FADS2: variants seen among roughly 807,000 people sequenced by gnomAD.
FADS2 encodes the protein acyl-CoA 6-desaturase.
A neutral mutation model predicts 61.2 loss-of-function variants in FADS2; 18 were observed. The observed-to-expected ratio is 0.29, with a 90% confidence interval of 0.20 to 0.44. The LOEUF is 0.44. Among genes scored for constraint, FADS2 ranks in the 20% least tolerant of loss-of-function variants. The probability of loss-of-function intolerance (pLI) is 1.00; values close to 1 mark genes in which losing one functional copy is unlikely to be tolerated. For synonymous variants in FADS2, 203 were observed against 223.9 expected, an observed-to-expected ratio of 0.91 and a Z score of 0.83; for missense variants, 322 against 572.7, an observed-to-expected ratio of 0.56 and a Z score of 4.47.
chr11:61,853,295 CCTTCCTTCCTTCCTT>C (rs1565334602), intron 5 of FADS2, among the ~76,000 whole-genome samples: 20 of 86,166 alleles, frequency 2.3e-4, no homozygotes, highest in African/African-American at 7.2e-4. Context: ...TCCCTCCCTT[CCTTCCTTCCTTCCTT>C]CCTTCCTTCC....
At chr11:61,846,363 C>T (rs896002807) in intron 4 of FADS2, among the ~76,000 whole-genome samples, 9 of 151,802 alleles carry the variant, frequency 5.9e-5, no homozygotes, top group Non-Finnish European at 8.8e-5. Flanking sequence ...GTGATCCACA[C>T]GCTTCAGCCT....
intron 4 of FADS2, chr11:61,846,810 C>T (rs1323369965): frequency 6.6e-6 from 1 of 152,106 alleles, no homozygotes; most frequent in African/African-American, 2.4e-5. Flanking sequence ...GTGTTAGAAA[C>T]AGGAAAGTTC....
chr11:61,850,524 C>T (rs910070039), intron 5 of FADS2, among the ~76,000 whole-genome samples: 6 of 152,136 alleles, frequency 3.9e-5, no homozygotes, highest in East Asian at 1.9e-4. Flanking sequence ...GCTGGGATTA[C>T]GGGTGTAAGC....
chr11:61,836,556 CA>C, intron 1 of FADS2, among the ~76,000 whole-genome samples: 1 of 151,740 alleles, frequency 6.6e-6, no homozygotes, highest in South Asian at 2.1e-4. Flanking sequence ...TTAGTAGAGA[CA>C]GGGGTCTTGC....
At chr11:61,846,361 C>T (rs2067259102) in intron 4 of FADS2, among the ~76,000 whole-genome samples, 1 of 151,922 alleles carries the variant, frequency 6.6e-6, no homozygotes, top group South Asian at 2.1e-4. Context: ...AAGTGATCCA[C>T]ACGCTTCAGC....
At position 61,865,399 on chromosome 11, in the gene FADS2, G is replaced by C; in HGVS notation, c.1283+122G>C. 7.8e-7 allele frequency: 1 copy of C among 1,288,116 alleles called. No homozygotes were observed. The highest frequency in any genetic ancestry group is 1.1e-6 in the Non-Finnish European group (1 of 939,054). 79.8% of individuals were successfully genotyped at this position (1,288,116 alleles called of 1,614,324 possible). On this transcript the variant is annotated intron_variant, in intron 11 of 11. Coordinates refer to ENST00000278840, the MANE Select transcript of FADS2 (RefSeq NM_004265.4). This position sits in a 1 kb window ranked among gnomAD's most constrained non-coding sequence, Gnocchi z 4.1. ...CCACCAGGGCACCTGCCTTACTCCC[G>C]AGCCTGTGTTAGGAGCTGTTGGGCT...
At chr11:61,845,030 CTTTT>C (rs71046747) in intron 4 of FADS2, among the ~76,000 whole-genome samples, 47 of 44,124 alleles carry the variant, frequency 1.1e-3, no homozygotes, top group African/African-American at 4.0e-3. Context: ...CAGAAGTGCA[CTTTT>C]TTTTTTTTTT....
Position 61,816,889 on chromosome 11 carries a change from C to CCGCAGGGCAGACCGGCGGGCCT in FADS2, c.141+469_141+490dup, listed in dbSNP as rs755222781. 10 of 1,459,742 alleles carry CCGCAGGGCAGACCGGCGGGCCT rather than the reference C, an allele frequency of 6.9e-6. No homozygotes were observed. In the South Asian group the frequency reaches 1.3e-4, roughly 20 times the overall value. The allele number at this position is 1,459,742 out of a possible 1,614,324, so 90.4% of individuals were successfully genotyped here. On this transcript the variant is annotated intron_variant, in intron 1 of 11. Transcript: ENST00000257261. This position sits in a 1 kb window ranked among gnomAD's most constrained non-coding sequence, Gnocchi z 7.0. ...CCGCCTGCGCGCCGGGTTTTCAGCA[C>CCGCAGGGCAGACCGGCGGGCCT]CGCAGGGCAGACCGGCGGGCCTCGC... is the stretch of plus-strand genomic sequence containing the variant.
At chr11:61,838,946 C>T (rs957793150) in intron 2 of FADS2, among the ~76,000 whole-genome samples, 3 of 152,162 alleles carry the variant, frequency 2.0e-5, no homozygotes, top group Non-Finnish European at 4.4e-5. Flanking sequence ...TGCTGCAGAT[C>T]CTGCACCATT....
upstream of FADS2, chr11:61,826,374 A>T (rs746080325): frequency 1.4e-6 from 1 of 702,572 alleles, no homozygotes; most frequent in Non-Finnish European, 2.6e-6. Flanking sequence ...CAGGCCACCC[A>T]TACGTGCTCC....
At chr11:61,838,528 C>T (rs2067193657) in intron 2 of FADS2, among the ~76,000 whole-genome samples, 1 of 152,010 alleles carries the variant, frequency 6.6e-6, no homozygotes, top group African/African-American at 2.4e-5. Flanking sequence ...ATGGAAGTCC[C>T]ACCCTGGCCT....
intron 7 of FADS2, chr11:61,862,637 G>T: frequency 3.1e-6 from 1 of 321,482 alleles, no homozygotes; most frequent in Non-Finnish European, 5.9e-6. Context: ...GCCCCGGGTT[G>T]GGGGCGCACC....
chr11:61,818,910 G>A (rs1264464532), intron 1 of FADS2, among the ~76,000 whole-genome samples: 6 of 150,210 alleles, frequency 4.0e-5, no homozygotes, highest in South Asian at 2.1e-4. Flanking sequence ...TCGCTCTGTC[G>A]CCCAGGCTGG....
intron 10 of FADS2, 188 bp downstream of exon 10, chr11:61,863,974 C>G: frequency 1.7e-6 from 1 of 580,392 alleles, no homozygotes; most frequent in Admixed American, 2.9e-5. Flanking sequence ...ATTCCATCTC[C>G]CTGAGGGTCA....
chr11:61,825,892 C>G (rs532887760), upstream of FADS2: 1 of 570,176 alleles, frequency 1.8e-6, no homozygotes, highest in South Asian at 2.1e-5. Context: ...GACTGCATCT[C>G]AAAAAAAAAT....
In FADS2 at chr11:61,834,987, C is replaced by A. The variant is rs1470787105; in HGVS notation, c.208-2791C>A. Among the ~76,000 whole-genome samples the A allele has an allele frequency of 2.8e-4, 32 of 113,488 alleles. 1 individual carries two copies. The highest frequency in any genetic ancestry group is 1.9e-3 in the Admixed American group (16 of 8,366). 74.5% of individuals were successfully genotyped at this position (113,488 alleles called of 152,430 possible). On this transcript the variant is annotated intron_variant, in intron 1 of 11. Coordinates refer to ENST00000278840, the MANE Select transcript of FADS2 (RefSeq NM_004265.4). ...CTGGGCCTCCTCCCTGCCTGCCCCC[C>A]CACCCCAGCCCTCCTCCCTGCCTGC...
rs1417169803 is a variant in FADS2, at chr11:61,867,326, T to C, written c.*1637T>C. ...TGTTACTTCCCCACCCCTACATTTT[T>C]TGAAATAAAATAAGGAATTTTATTC... On this transcript the variant is annotated 3_prime_UTR_variant, in exon 12 of 12. Transcript: ENST00000278840. 6.6e-6 allele frequency: 1 copy of C among 152,142 alleles called. No homozygotes were observed. Among genetic ancestry groups the C allele is most frequent in the East Asian group, 1.9e-4 (1 of 5,216 alleles). 9.4% of individuals were successfully genotyped at this position (152,142 alleles called of 1,614,324 possible). A position where few individuals can be genotyped will look rare whatever the true frequency, so the allele number is the denominator to read the frequency against.
In FADS2 at chr11:61,865,115, G is replaced by T; in HGVS notation, c.1158-37G>T. 6.3e-7 allele frequency: 1 copy of T among 1,594,400 alleles called. No homozygotes were observed. The highest frequency in any genetic ancestry group is 8.6e-7 in the Non-Finnish European group (1 of 1,167,312). ...GGAAGCGGGAGCAGCATGGCCCTCT[G>T]AGTCCTCACGCTCTGCCCACCCTAC... On this transcript the variant is annotated intron_variant, in intron 10 of 11. Coordinates refer to ENST00000278840, the MANE Select transcript of FADS2 (RefSeq NM_004265.4). This position sits in a 1 kb window ranked among gnomAD's most constrained non-coding sequence, Gnocchi z 4.1.
At chr11:61,820,996 C>T (rs1168999044) in intron 1 of FADS2, among the ~76,000 whole-genome samples, 4 of 152,182 alleles carry the variant, frequency 2.6e-5, no homozygotes, top group South Asian at 2.1e-4. Context: ...AGGCAAATGT[C>T]GTGTTGCCCT....
Sources: gnomAD v4.1 joint callset for allele counts (sites outside exome capture counted in the v4.1 genomes callset) on GRCh38, gnomAD v4.1.1 for gene constraint, Gnocchi (gnomAD v3.1) non-coding constraint, MANE v1.5 for transcripts, NCBI Gene and HGNC (gene_info 2026-07-23, HGNC 2026-07-21) for gene names.